BAZ2B: variants seen among roughly 807,000 people sequenced by gnomAD.
BAZ2B encodes bromodomain adjacent to zinc finger domain protein 2B.
Under a neutral mutation model 246.0 loss-of-function variants are expected in BAZ2B, and 91 were observed. The observed-to-expected ratio is 0.37, with a 90% CI of 0.31 to 0.44. BAZ2B has a LOEUF of 0.44. BAZ2B is among the 20% of genes least tolerant of loss of function. BAZ2B has a pLI of 1.00. For synonymous variants in BAZ2B, 855 were observed against 860.0 expected (o/e 0.99, Z 0.10); for missense variants, 2,332 against 2,533.7 (o/e 0.92, Z 1.71).
At chr2:159,485,934 G>C (rs1383828915) in intron 2 of BAZ2B, among the ~76,000 whole-genome samples, 2 of 151,994 alleles carry the variant, frequency 1.3e-5, no homozygotes, top group Non-Finnish European at 2.9e-5. Context: ...AAAAGCAGTG[G>C]TTTTCATATT....
chr2:159,316,206 TAA>T (rs1305172555), downstream of BAZ2B, among the ~76,000 whole-genome samples: 2 of 152,078 alleles, frequency 1.3e-5, no homozygotes, highest in Non-Finnish European at 2.9e-5. Context: ...AAGAATAATG[TAA>T]AGAGTGTGCC....
At chr2:159,348,142 G>A (rs1463066992) in intron 30 of BAZ2B, among the ~76,000 whole-genome samples, 4 of 151,360 alleles carry the variant, frequency 2.6e-5, no homozygotes, top group Non-Finnish European at 5.9e-5. Flanking sequence ...AACATAGTGA[G>A]GCCCTGTCTC....
At chr2:159,591,124 A>G (rs1163004686) in intron 1 of BAZ2B, among the ~76,000 whole-genome samples, 1 of 152,208 alleles carries the variant, frequency 6.6e-6, no homozygotes, top group Non-Finnish European at 1.5e-5. Context: ...ACTTTTGTAG[A>G]TGTTACTACC....
chr2:159,519,927 C>T (rs1578042274), intron 2 of BAZ2B, among the ~76,000 whole-genome samples: 1 of 151,440 alleles, frequency 6.6e-6, no homozygotes, highest in East Asian at 1.9e-4. Flanking sequence ...ATGTTTAATC[C>T]TCCCCAGTTT....
chr2:159,496,735 A>G (rs1381250378), intron 2 of BAZ2B, among the ~76,000 whole-genome samples: 2 of 141,976 alleles, frequency 1.4e-5, no homozygotes, highest in South Asian at 2.3e-4. Flanking sequence ...GTGAGCCAAG[A>G]TCGCGCCATT....
At chr2:159,597,478 A>G (rs1691001540) in intron 1 of BAZ2B, among the ~76,000 whole-genome samples, 1 of 152,224 alleles carries the variant, frequency 6.6e-6, no homozygotes, top group South Asian at 2.1e-4. Flanking sequence ...TCATCTAAAG[A>G]AACAAAAATG....
At chr2:159,484,935 T>G (rs1490493631) in intron 2 of BAZ2B, among the ~76,000 whole-genome samples, 1 of 152,224 alleles carries the variant, frequency 6.6e-6, no homozygotes, top group Non-Finnish European at 1.5e-5. Context: ...AAGAATGATT[T>G]TATTTGTACT....
At chr2:159,515,926 TC>T (rs1399582080) in intron 2 of BAZ2B, among the ~76,000 whole-genome samples, 1 of 152,082 alleles carries the variant, frequency 6.6e-6, no homozygotes, top group Non-Finnish European at 1.5e-5. Context: ...AAAAAAATAA[TC>T]TTTTTACTAC....
chr2:159,618,659 T>A (rs2151852744), upstream of BAZ2B, among the ~76,000 whole-genome samples: 1 of 152,240 alleles, frequency 6.6e-6, no homozygotes, highest in South Asian at 2.1e-4. Context: ...GATATTTCTA[T>A]GCGTAAAGTA....
At chr2:159,321,479 C>A (rs1004429446) in intron 36 of BAZ2B, among the ~76,000 whole-genome samples, 1 of 152,058 alleles carries the variant, frequency 6.6e-6, no homozygotes, top group Admixed American at 6.6e-5. Flanking sequence ...GCACTGTTCA[C>A]AATAGCCAAG....
intron 2 of BAZ2B, among the ~76,000 whole-genome samples, chr2:159,532,823 G>A (rs2085513746): frequency 6.6e-6 from 1 of 152,240 alleles, no homozygotes; most frequent in African/African-American, 2.4e-5. Context: ...CTCGTTTTAG[G>A]TAGACATGGC....
chr2:159,639,455 T>C, the BAZ2B span, among the ~76,000 whole-genome samples: 1 of 151,938 alleles, frequency 6.6e-6, no homozygotes, highest in Admixed American at 6.6e-5. Flanking sequence ...GATAAAACAA[T>C]CAAAAATAAT....
intron 3 of BAZ2B, 69 bp downstream of exon 3, chr2:159,478,506 C>T: frequency 6.8e-7 from 1 of 1,472,908 alleles, no homozygotes; most frequent in East Asian, 2.4e-5. Context: ...TTATTCAGTG[C>T]TCAATAAAAT....
chr2:159,671,768 G>C, the BAZ2B span, among the ~76,000 whole-genome samples: 1 of 152,156 alleles, frequency 6.6e-6, no homozygotes, highest in East Asian at 1.9e-4. Context: ...TTTCAGATTT[G>C]GATAGCACGT....
intron 25 of BAZ2B, among the ~76,000 whole-genome samples, chr2:159,376,499 G>A (rs1270743969): frequency 1.3e-5 from 2 of 152,022 alleles, no homozygotes; most frequent in Non-Finnish European, 2.9e-5. Context: ...AAGGTATTTA[G>A]GCACATTATT....
At chr2:159,471,119 A>G (rs189203748) in intron 3 of BAZ2B, among the ~76,000 whole-genome samples, 32 of 152,274 alleles carry the variant, frequency 2.1e-4, no homozygotes, top group African/African-American at 7.5e-4. Context: ...TTCAAGAAGA[A>G]GAGAGTGGTC....
At chr2:159,332,315 T>C (rs1186716107) in intron 34 of BAZ2B, among the ~76,000 whole-genome samples, 1 of 121,480 alleles carries the variant, frequency 8.2e-6, no homozygotes, top group Non-Finnish European at 1.8e-5. Flanking sequence ...AGCAAGACCC[T>C]ATCTCTCTCT....
chr2:159,334,160 C>T (rs2065234756), intron 33 of BAZ2B, among the ~76,000 whole-genome samples: 1 of 152,058 alleles, frequency 6.6e-6, no homozygotes, highest in South Asian at 2.1e-4. Flanking sequence ...ACTATAAATG[C>T]TACAAGATCT....
At position 159,332,209 on chromosome 2, in the gene BAZ2B, C is replaced by T. The variant is rs75010742; in HGVS notation, c.5943+331G>A. Among the ~76,000 whole-genome samples, 336 of 151,858 alleles carry T rather than the reference C, an allele frequency of 2.2e-3. 3 individuals are homozygous for T. The highest frequency in any genetic ancestry group is 0.018 in the South Asian group (85 of 4,800). Reference sequence around the variant, plus strand: ...CTAGTAATTAAAAAGTTGTTTGGAGCCAGGTGCAGTGGCTTGCATTTGTAA... The same window carrying T: ...CTAGTAATTAAAAAGTTGTTTGGAGTCAGGTGCAGTGGCTTGCATTTGTAA... On this transcript the variant is annotated intron_variant, in intron 34 of 36. Transcript: ENST00000392783.
Sources: allele counts gnomAD v4.1 joint callset (sites outside exome capture counted in the v4.1 genomes callset), GRCh38; gene constraint gnomAD v4.1.1; transcripts MANE v1.5; gene names NCBI Gene and HGNC (gene_info 2026-07-23, HGNC 2026-07-21).